The following FAM149B1 variants were observed in gnomAD, a reference collection of about 807,000 sequenced individuals.
FAM149B1 encodes family with sequence similarity 149 member B1.
Under a neutral mutation model 75.3 loss-of-function variants are expected in FAM149B1, and 56 were observed. The observed-to-expected ratio is 0.74, with a 90% CI of 0.60 to 0.93. FAM149B1 has a LOEUF of 0.93. Ranked by LOEUF, FAM149B1 falls within the 40% of genes least tolerant of loss-of-function variation. FAM149B1 has a pLI of 0.00. For synonymous variants in FAM149B1, 259 were observed against 256.1 expected (o/e 1.01, Z -0.11); for missense variants, 639 against 708.4 (o/e 0.90, Z 1.11).
intron 7 of FAM149B1, among the ~76,000 whole-genome samples, chr10:73,216,327 G>A (rs957125307): frequency 1.3e-5 from 2 of 152,010 alleles, no homozygotes; most frequent in Non-Finnish European, 2.9e-5. Context: ...CATATAGTTG[G>A]ATTATTTTTT....
chr10:73,233,157 C>T lies in FAM149B1; in HGVS notation c.1346C>T (p.Ala449Val), dbSNP rs771923238. The T allele has an allele frequency of 1.9e-6, 3 of 1,549,122 alleles. No individual in the cohort carries two copies. Among genetic ancestry groups the T allele is most frequent in the Non-Finnish European group, 2.6e-6 (3 of 1,144,790 alleles). The part of the protein sequence containing the change: ...PRSVEEILRG[A>V]RVPVAPDSLS... ...TCTGTGGAAGAAATCCTCAGAGGAG[C>T]CCGAGTGTAGGTTTCAAAAGCAGAA... The change falls in exon 10 of 14, where the codon GCC becomes GTC. Residue 449 changes from alanine (A) to valine (V), a missense_variant. Ala to Val is a moderately conservative substitution (Grantham distance 64, BLOSUM62 0). Coordinates refer to ENST00000242505, the MANE Select transcript of FAM149B1 (RefSeq NM_173348.2).
chr10:73,229,522 C>T (rs777294867), intron 8 of FAM149B1, among the ~76,000 whole-genome samples: 1 of 152,196 alleles, frequency 6.6e-6, no homozygotes, highest in Non-Finnish European at 1.5e-5. Flanking sequence ...TAGCAGTGGG[C>T]TGAGATTACG....
At position 73,233,115 on chromosome 10, in the gene FAM149B1, G is replaced by T. The variant is rs764971459; in HGVS notation, c.1304G>T (p.Cys435Phe). 82 of 1,551,678 alleles carry T rather than the reference G, an allele frequency of 5.3e-5. No homozygotes were observed. The highest frequency in any genetic ancestry group is 6.8e-5 in the Non-Finnish European group (78 of 1,147,034). ...CATCCGATCAGCACGAGCCATTCAT[G>T]TGCTGAAACACCAAGATCTGTGGAA... The part of the protein sequence containing the change: ...TLHPISTSHS[C>F]AETPRSVEEI... Residue 435 changes from cysteine (C) to phenylalanine (F), a missense_variant, in exon 10 of 14, where the codon TGT (cysteine) becomes TTT (phenylalanine). Transcript: ENST00000242505.
chr10:73,170,030 ATTAT>A (rs1843641456), intron 1 of FAM149B1, among the ~76,000 whole-genome samples: 1 of 147,422 alleles, frequency 6.8e-6, no homozygotes, highest in South Asian at 2.1e-4. Flanking sequence ...ATTAATATTA[ATTAT>A]TAACTATTTA....
intron 7 of FAM149B1, among the ~76,000 whole-genome samples, chr10:73,220,605 C>G (rs1300897151): frequency 6.6e-6 from 1 of 152,158 alleles, no homozygotes; most frequent in Non-Finnish European, 1.5e-5. Context: ...TGTTGAAACC[C>G]TAACCCCCAA....
intron 8 of FAM149B1, chr10:73,230,205 CCTG>C (rs1445388011): frequency 2.2e-6 from 1 of 447,950 alleles, no homozygotes; most frequent in Non-Finnish European, 4.1e-6. Flanking sequence ...GCTTCCCCTA[CCTG>C]CTGTCATTTA....
intron 3 of FAM149B1, among the ~76,000 whole-genome samples, chr10:73,191,031 T>C (rs2042670022): frequency 6.6e-6 from 1 of 152,058 alleles, no homozygotes; most frequent in African/African-American, 2.4e-5. Context: ...CTGACTATTC[T>C]GGTTTTTGGC....
At chr10:73,172,918 C>T (rs6480676) in intron 1 of FAM149B1, among the ~76,000 whole-genome samples, 23,713 of 145,768 alleles carry the variant, frequency 0.16, 3,115 homozygotes, top group African/African-American at 0.34. Context: ...GCCTGAGCAA[C>T]ATAACAAGAT....
intron 2 of FAM149B1, among the ~76,000 whole-genome samples, chr10:73,175,991 T>C (rs944100425): frequency 6.6e-6 from 1 of 152,116 alleles, no homozygotes; most frequent in African/African-American, 2.4e-5. Flanking sequence ...TCAAGTGCAT[T>C]ACATTTATTA....
intron 8 of FAM149B1, among the ~76,000 whole-genome samples, chr10:73,229,531 C>T (rs1388756910): frequency 2.6e-5 from 4 of 152,126 alleles, no homozygotes; most frequent in African/African-American, 4.8e-5. Context: ...GCTGAGATTA[C>T]GCCACTGCAC....
At chr10:73,178,821 A>C (rs1429204992) in intron 3 of FAM149B1, among the ~76,000 whole-genome samples, 1 of 152,168 alleles carries the variant, frequency 6.6e-6, no homozygotes, top group African/African-American at 2.4e-5. Flanking sequence ...GAGATGAGTG[A>C]TTTTTACTTC....
intron 5 of FAM149B1, among the ~76,000 whole-genome samples, chr10:73,207,293 G>A (rs1046234111): frequency 3.3e-5 from 5 of 152,196 alleles, no homozygotes; most frequent in African/African-American, 4.8e-5. Context: ...GCCAGGTGCA[G>A]TGGCTCATGC....
intron 3 of FAM149B1, among the ~76,000 whole-genome samples, chr10:73,178,988 C>A (rs534218549): frequency 1.3e-5 from 2 of 150,944 alleles, no homozygotes; most frequent in Non-Finnish European, 2.9e-5. Flanking sequence ...TTTTTTGGAA[C>A]GGAGTCTCGC....
At chr10:73,219,278 C>T (rs1333158942) in intron 7 of FAM149B1, among the ~76,000 whole-genome samples, 1 of 152,102 alleles carries the variant, frequency 6.6e-6, no homozygotes, top group East Asian at 1.9e-4. Context: ...AATGGAAAGA[C>T]ATCCCATGTT....
Position 73,242,273 on chromosome 10 carries a change from A to G in FAM149B1, c.*1254A>G, listed in dbSNP as rs555737869. 15 of 152,330 alleles carry G rather than the reference A, an allele frequency of 9.8e-5. No individual in the cohort carries two copies. The highest frequency in any genetic ancestry group is 2.9e-4 in the African/African-American group (12 of 41,574). 9.4% of individuals were successfully genotyped at this position (152,330 alleles called of 1,614,324 possible). The stretch of plus-strand genomic sequence containing the variant: ...GTATATTTAATAGTCTACAAATCAA[A>G]GATTTAAACAGTCCCTTAAAAATTC... On this transcript the variant is annotated 3_prime_UTR_variant, in exon 14 of 14. Transcript: ENST00000242505.
intron 2 of FAM149B1, among the ~76,000 whole-genome samples, chr10:73,175,060 A>T (rs1410450891): frequency 6.6e-6 from 1 of 152,100 alleles, no homozygotes; most frequent in East Asian, 1.9e-4. Context: ...ACAAACAAAC[A>T]CACAAACAAA....
At chr10:73,198,770 A>T (rs761985148) in intron 5 of FAM149B1, among the ~76,000 whole-genome samples, 1 of 152,152 alleles carries the variant, frequency 6.6e-6, no homozygotes, top group Non-Finnish European at 1.5e-5. Context: ...GCACCATTGC[A>T]CTCCAGCCTG....
intron 5 of FAM149B1, 110 bp from the exon 6 acceptor site, chr10:73,208,509 A>C: frequency 1.6e-6 from 1 of 642,184 alleles, no homozygotes; most frequent in East Asian, 2.8e-5. Context: ...ATAGTCCACG[A>C]AGGTATTGCC....
intron 6 of FAM149B1, among the ~76,000 whole-genome samples, chr10:73,209,087 A>G (rs1357354163): frequency 6.6e-6 from 1 of 152,166 alleles, no homozygotes; most frequent in East Asian, 1.9e-4. Context: ...CACCAGTGGG[A>G]ACTTTGAAAC....
Sources: gnomAD v4.1 joint callset for allele counts (sites outside exome capture counted in the v4.1 genomes callset) on GRCh38, gnomAD v4.1.1 for gene constraint, MANE v1.5 for transcripts, NCBI Gene and HGNC (gene_info 2026-07-23, HGNC 2026-07-21) for gene names.